ULK4: variants seen among roughly 807,000 people sequenced by gnomAD.
The protein encoded by ULK4 is inactive serine/threonine-protein kinase ULK4.
Under a neutral mutation model 160.6 loss-of-function variants are expected in ULK4, and 133 were observed. The ratio of observed to expected loss-of-function variants is 0.83; its 90% CI spans 0.72 to 0.96. The LOEUF is 0.96. ULK4 is among the 40% of genes least tolerant of loss of function. The probability of loss-of-function intolerance (pLI) is 0.00; values close to 1 mark genes in which losing one functional copy is unlikely to be tolerated. For missense variants in ULK4, 1,580 were observed against 1,499.5 expected (o/e 1.05, Z -0.89); for synonymous variants, 534 against 539.8 (o/e 0.99, Z 0.15).
intron 35 of ULK4, among the ~76,000 whole-genome samples, chr3:41,375,245 A>C (rs2081459806): frequency 6.6e-6 from 1 of 152,166 alleles, no homozygotes; most frequent in African/African-American, 2.4e-5. Context: ...TTCCCATCAA[A>C]CTACCACTGA....
chr3:41,705,161 C>T lies in ULK4; in HGVS notation c.2687-10G>A, dbSNP rs1047023756. On this transcript the variant is annotated splice_polypyrimidine_tract_variant and intron_variant, in intron 26 of 36. Coordinates refer to ENST00000301831, the MANE Select transcript of ULK4 (RefSeq NM_017886.4). Reference sequence around the variant, plus strand: ...TCTGATGCTGTCAGTCCTAGAAATACAGTTAATTATTATAGGTGTTTATTT... The same window carrying T: ...TCTGATGCTGTCAGTCCTAGAAATATAGTTAATTATTATAGGTGTTTATTT... 2 of 1,610,202 alleles carry T rather than the reference C, an allele frequency of 1.2e-6. No individual in the cohort carries two copies. The highest frequency in any genetic ancestry group is 1.1e-5 in the South Asian group (1 of 90,450).
chr3:41,788,669 G>A (rs1305425824), intron 21 of ULK4, among the ~76,000 whole-genome samples: 7 of 151,164 alleles, frequency 4.6e-5, no homozygotes, highest in South Asian at 4.2e-4. Flanking sequence ...CAGCCTGGGC[G>A]ACAGAGCGAG....
intron 17 of ULK4, among the ~76,000 whole-genome samples, chr3:41,858,296 C>T (rs975989650): frequency 1.3e-5 from 2 of 151,006 alleles, no homozygotes; most frequent in African/African-American, 2.4e-5. Flanking sequence ...GAATTACAGG[C>T]GCCTGCCACC....
At chr3:41,561,898 G>C (rs2087587286) in intron 32 of ULK4, among the ~76,000 whole-genome samples, 1 of 152,072 alleles carries the variant, frequency 6.6e-6, no homozygotes, top group Non-Finnish European at 1.5e-5. Context: ...CTTGCCTTCT[G>C]CTAGCTTTTG....
intron 34 of ULK4, among the ~76,000 whole-genome samples, chr3:41,428,082 A>G (rs1047796893): frequency 7.9e-5 from 12 of 152,218 alleles, no homozygotes; most frequent in African/African-American, 2.7e-4. Flanking sequence ...TCAGGACACA[A>G]AAGTCAATAT....
rs150637849 is a variant in ULK4, at chr3:41,949,315, GAC to G, written c.138+5305_138+5306del. The stretch of plus-strand genomic sequence containing the variant: ...ACTTTGAGACTCTGTCACACACACA[GAC>G]ACACACACACACACACACAAAAAGT... On this transcript the variant is annotated intron_variant, in intron 2 of 36. Coordinates refer to ENST00000301831, the MANE Select transcript of ULK4 (RefSeq NM_017886.4). 9.4e-3 allele frequency among the ~76,000 whole-genome samples: 1,341 copies of G among 142,052 alleles called. 20 individuals are homozygous for G. The highest frequency in any genetic ancestry group is 0.032 in the African/African-American group (1,292 of 40,206). 93.2% of individuals were successfully genotyped at this position (142,052 alleles called of 152,430 possible).
intron 32 of ULK4, among the ~76,000 whole-genome samples, chr3:41,544,021 T>C (rs2086777359): frequency 6.6e-6 from 1 of 152,196 alleles, no homozygotes; most frequent in Non-Finnish European, 1.5e-5. Context: ...ATCCAACATA[T>C]TGGTCCTTTC....
At chr3:41,630,486 T>G (rs547776472) in intron 30 of ULK4, among the ~76,000 whole-genome samples, 1 of 152,272 alleles carries the variant, frequency 6.6e-6, no homozygotes, top group South Asian at 2.1e-4. Flanking sequence ...TTCTCAAGCC[T>G]CAAATCTCTT....
intron 33 of ULK4, among the ~76,000 whole-genome samples, chr3:41,461,172 C>T (rs1559619667): frequency 6.6e-6 from 1 of 152,136 alleles, no homozygotes; most frequent in African/African-American, 2.4e-5. Context: ...TTGCATCATA[C>T]CACTCTCCTC....
intron 4 of ULK4, among the ~76,000 whole-genome samples, chr3:41,932,897 A>T (rs1699644360): frequency 6.6e-6 from 1 of 152,172 alleles, no homozygotes; most frequent in Admixed American, 6.5e-5. Context: ...TACAAAAATT[A>T]GCTGGGCATG....
rs375325027 is a variant in ULK4, at chr3:41,246,921, C to A, written c.*8G>T. ...CACAGGGCGGGCTTGTGCTAAGCAC[C>A]TTCTTGCCTAGTGCCCAACGGCTTG... is the stretch of plus-strand genomic sequence containing the variant. On this transcript the variant is annotated 3_prime_UTR_variant, in exon 37 of 37. Coordinates refer to ENST00000301831, the MANE Select transcript of ULK4 (RefSeq NM_017886.4). The A allele has an allele frequency of 3.1e-6, 5 of 1,613,366 alleles. No homozygotes were observed. The highest frequency in any genetic ancestry group is 4.2e-6 in the Non-Finnish European group (5 of 1,179,830).
Position 41,705,046 on chromosome 3 carries a change from C to T in ULK4, c.2781+11G>A, listed in dbSNP as rs200092036. The T allele has an allele frequency of 1.7e-4, 273 of 1,600,398 alleles. 3 individuals are homozygous for T. In the African/African-American group the frequency reaches 2.8e-3, roughly 17 times the overall value. On this transcript the variant is annotated intron_variant, in intron 27 of 36. Coordinates refer to ENST00000301831, the MANE Select transcript of ULK4 (RefSeq NM_017886.4). ...TAAAAGGAGCTTTTTTCAAAAGCTG[C>T]CAGAACTGACCGTGGAGCGATAGTC...
intron 25 of ULK4, among the ~76,000 whole-genome samples, chr3:41,708,751 C>A (rs1024542804): frequency 1.3e-5 from 2 of 152,044 alleles, no homozygotes; most frequent in Non-Finnish European, 2.9e-5. Context: ...TTTCTCACCA[C>A]AAAAACAAAT....
chr3:41,911,423 C>T, intron 10 of ULK4, 37 bp from the exon 11 acceptor site: 5 of 1,608,568 alleles, frequency 3.1e-6, no homozygotes, highest in Non-Finnish European at 4.3e-6. Flanking sequence ...CAGAAAAGAA[C>T]AAAAATATCA....
intron 32 of ULK4, among the ~76,000 whole-genome samples, chr3:41,476,385 C>A (rs2084145083): frequency 6.6e-6 from 1 of 152,144 alleles, no homozygotes; most frequent in African/African-American, 2.4e-5. Context: ...TTATTCTTCT[C>A]CACAGACAGC....
At chr3:41,765,954 G>C (rs77684550) in intron 21 of ULK4, among the ~76,000 whole-genome samples, 10,993 of 152,168 alleles carry the variant, frequency 0.072, 1,246 homozygotes, top group African/African-American at 0.24. Flanking sequence ...AGTAGTCAAA[G>C]ACACACAAAG....
chr3:41,298,115 A>G (rs185299516), intron 35 of ULK4, among the ~76,000 whole-genome samples: 1 of 152,368 alleles, frequency 6.6e-6, no homozygotes, highest in East Asian at 1.9e-4. Flanking sequence ...ATCATACACC[A>G]TATACAGAAA....
chr3:41,469,743 C>T (rs1008345716), intron 32 of ULK4, among the ~76,000 whole-genome samples: 2 of 150,070 alleles, frequency 1.3e-5, no homozygotes, highest in Non-Finnish European at 1.5e-5. Context: ...ACTAAGAAAG[C>T]TCCAACAATA....
intron 35 of ULK4, among the ~76,000 whole-genome samples, chr3:41,397,647 T>C (rs143639675): frequency 2.6e-4 from 39 of 152,172 alleles, no homozygotes; most frequent in Middle Eastern, 3.4e-3. Context: ...TCTACCAAAA[T>C]ACATAATCCT....
Sources: allele counts gnomAD v4.1 joint callset (sites outside exome capture counted in the v4.1 genomes callset), GRCh38; gene constraint gnomAD v4.1.1; transcripts MANE v1.5; gene names NCBI Gene and HGNC (gene_info 2026-07-23, HGNC 2026-07-21).